The following ZNF446 variants were observed in gnomAD, a reference collection of about 807,000 sequenced individuals.
The protein encoded by ZNF446 is zinc finger protein 446.
A neutral mutation model predicts 34.0 loss-of-function variants in ZNF446; 42 were observed. That is an observed-to-expected ratio of 1.23 (90% CI 0.96 to 1.60). The LOEUF is 1.60. Ranked by LOEUF, ZNF446 falls within the 40% of genes most tolerant of loss-of-function variation. ZNF446 has a pLI of 0.00. For synonymous variants in ZNF446, 315 were observed against 251.0 expected, an observed-to-expected ratio of 1.25 and a Z score of -2.41; for missense variants, 650 against 600.2, an observed-to-expected ratio of 1.08 and a Z score of -0.87.
At chr19:58,477,609 G>A (rs374549778) in intron 2 of ZNF446, 28 bp from the exon 3 acceptor site, 15 of 1,613,448 alleles carry the variant, frequency 9.3e-6, no homozygotes, top group Admixed American at 1.7e-5. Flanking sequence ...CCTGGCTAGA[G>A]CCATTGTGAC....
In ZNF446 at chr19:58,480,262, G is replaced by A. The variant is rs201411273; in HGVS notation, c.889G>A (p.Ala297Thr). The change falls in exon 7 of 7, where the codon GCT (alanine) becomes ACT (threonine). Residue 297 changes from alanine (A) to threonine (T), a missense_variant. Physicochemically the swap from Ala to Thr is moderately conservative, Grantham distance 58. Transcript: ENST00000594369. The surrounding 1 kb of genome is among the most constrained non-coding windows in gnomAD (Gnocchi z 7.2). ...GGCAGCCTGGGAGGGCTTGTCTGGG[G>A]CTGCCACTCCTGCCCCCACTGTGCG... ...GPAAWEGLSG[A>T]ATPAPTVRPG... 32 of 1,578,904 alleles carry A rather than the reference G, an allele frequency of 2.0e-5. No homozygotes were observed. Among genetic ancestry groups the A allele is most frequent in the Non-Finnish European group, 2.7e-5 (32 of 1,166,224 alleles).
downstream of ZNF446, among the ~76,000 whole-genome samples, chr19:58,484,205 G>A (rs2053157300): frequency 6.6e-6 from 1 of 150,680 alleles, no homozygotes; most frequent in African/African-American, 2.4e-5. Flanking sequence ...GAGAGGCTGA[G>A]GCAGGAGGAT....
chr19:58,479,566 G>A (rs1432597065), intron 4 of ZNF446, 77 bp from the exon 5 acceptor site: 4 of 1,503,114 alleles, frequency 2.7e-6, no homozygotes, highest in Non-Finnish European at 3.6e-6. Flanking sequence ...ACTCTTCCGG[G>A]TAATAGGTAA....
rs764214696 is a variant in ZNF446, at chr19:58,477,819, G to C, written c.525G>C (p.Gln175His). ...SVKEEPNVDG[Q>H]EVAPSSPPLA... is the part of the protein sequence containing the mutation. ...AGGAGGAGCCCAATGTCGATGGACAGGAAGTGGGTGAGGTTGGGGTCCCAC... is the reference window on the plus strand; with the variant it reads ...AGGAGGAGCCCAATGTCGATGGACACGAAGTGGGTGAGGTTGGGGTCCCAC... The change falls in exon 3 of 7, where the codon CAG becomes CAC. Residue 175 changes from glutamine to histidine, a missense_variant. Transcript: ENST00000594369. 5 of 1,556,146 alleles carry C rather than the reference G, an allele frequency of 3.2e-6. No homozygotes were observed. In the South Asian group the frequency reaches 6.1e-5, roughly 19 times the overall value.
At chr19:58,485,627 G>A (rs1216714203), downstream of ZNF446, among the ~76,000 whole-genome samples, 5 of 152,294 alleles carry the variant, frequency 3.3e-5, no homozygotes, top group East Asian at 9.6e-4. Context: ...AGACAGGGTG[G>A]ATGTTCACTG....
chr19:58,486,725 G>GC, the ZNF446 span, among the ~76,000 whole-genome samples: 160 of 149,014 alleles, frequency 1.1e-3, 1 homozygote, highest in Non-Finnish European at 1.2e-4. Context: ...TTTGGGGGGG[G>GC]GCGGGGAGAG....
At position 58,477,278 on chromosome 19, in the gene ZNF446, G is replaced by A. The variant is rs770983410; in HGVS notation, c.60G>A (p.Glu20=). 1.2e-6 allele frequency: 2 copies of A among 1,611,404 alleles called. No homozygotes were observed. Among genetic ancestry groups the A allele is most frequent in the Admixed American group, 1.7e-5 (1 of 59,964 alleles). Residue 20 remains glutamate, a synonymous_variant, in exon 2 of 7, where the codon GAG becomes GAA. Coordinates refer to ENST00000594369, the MANE Select transcript of ZNF446 (RefSeq NM_017908.4). The stretch of plus-strand genomic sequence containing the variant: ...TCATGGACCCAGAGACCACCCTTGA[G>A]GAGCCTGAGACTGCCCGCCTCCGCT... ...LPVMDPETTL[E]EPETARLRFR...
In ZNF446 at chr19:58,480,468, A is replaced by G. The variant is rs774119672; in HGVS notation, c.1095A>G (p.Leu365=). The part of the protein sequence containing the change: ...TSGPGVQSPG[L]ATGESTEKPP... ...GGCCAGGTGTGCAGTCCCCGGGGCTAGCCACCGGGGAAAGCACAGAGAAGC... is the reference window on the plus strand; with the variant it reads ...GGCCAGGTGTGCAGTCCCCGGGGCTGGCCACCGGGGAAAGCACAGAGAAGC... Residue 365 remains leucine (L), a synonymous_variant, in exon 7 of 7, where the codon CTA becomes CTG. Coordinates refer to ENST00000594369, the MANE Select transcript of ZNF446 (RefSeq NM_017908.4). This position sits in a 1 kb window ranked among gnomAD's most constrained non-coding sequence, Gnocchi z 7.2. 3.1e-6 allele frequency: 5 copies of G among 1,612,494 alleles called. No homozygotes were observed. Among genetic ancestry groups the G allele is most frequent in the Non-Finnish European group, 4.2e-6 (5 of 1,179,894 alleles).
At chr19:58,485,112 A>G (rs1051765457), downstream of ZNF446, among the ~76,000 whole-genome samples, 2 of 152,198 alleles carry the variant, frequency 1.3e-5, no homozygotes, top group Non-Finnish European at 2.9e-5. Context: ...GCATGTGGAA[A>G]AGTCCAAGAA....
At position 58,480,364 on chromosome 19, in the gene ZNF446, C is replaced by A. The variant is rs1395235532; in HGVS notation, c.991C>A (p.Pro331Thr). 1 of 1,606,278 alleles carries A rather than the reference C, an allele frequency of 6.2e-7. No homozygotes were observed. The highest frequency in any genetic ancestry group is 2.2e-5 in the East Asian group (1 of 44,634). ...RLEPAATPRK[P>T]YTCEQCGRGF... ...GGAGCCGGCTGCCACCCCCAGGAAGCCCTACACGTGCGAGCAGTGTGGCCG... is the reference window on the plus strand; with the variant it reads ...GGAGCCGGCTGCCACCCCCAGGAAGACCTACACGTGCGAGCAGTGTGGCCG... Residue 331 changes from proline (P) to threonine (T), a missense_variant, in exon 7 of 7, where the codon CCC becomes ACC. Physicochemically the swap from Pro to Thr is conservative, Grantham distance 38 (BLOSUM62 -1). Coordinates refer to ENST00000594369, the MANE Select transcript of ZNF446 (RefSeq NM_017908.4). The surrounding 1 kb of genome is among the most constrained non-coding windows in gnomAD (Gnocchi z 7.2).
In ZNF446 at chr19:58,477,203, A is replaced by G; in HGVS notation, c.-16A>G. 1 of 1,531,444 alleles carries G rather than the reference A, an allele frequency of 6.5e-7. No individual in the cohort carries two copies. 94.9% of individuals were successfully genotyped at this position (1,531,444 alleles called of 1,614,324 possible). ...GGCCCATCTTGACGATTCCAAGACC[A>G]CCCCCTTGAGCAAGAATGCCATCCC... On this transcript the variant is annotated 5_prime_UTR_variant, in exon 2 of 7. Transcript: ENST00000594369.
chr19:58,483,455 T>G (rs1197380168), downstream of ZNF446: 1 of 152,200 alleles, frequency 6.6e-6, no homozygotes, highest in East Asian at 1.9e-4. Context: ...GCCACTGCAC[T>G]GCAGCCTGGG....
downstream of ZNF446, among the ~76,000 whole-genome samples, chr19:58,482,863 G>A (rs1431497701): frequency 6.6e-6 from 1 of 152,226 alleles, no homozygotes; most frequent in Non-Finnish European, 1.5e-5. Context: ...GCCCAGAAGG[G>A]AGAGTCAGGG....
At chr19:58,488,532 A>G in the ZNF446 span, among the ~76,000 whole-genome samples, 2 of 150,570 alleles carry the variant, frequency 1.3e-5, no homozygotes, top group Non-Finnish European at 2.9e-5. Context: ...TTAAAAGAAA[A>G]GGCATAAACA....
Position 58,480,661 on chromosome 19 carries a change from C to G in ZNF446, c.1288C>G (p.Arg430Gly). Reference protein sequence around the residue: ...QRRHFCSDCGRAFDWKSQLVI... With the variant: ...QRRHFCSDCGGAFDWKSQLVI... ...GCGTCACTTCTGCAGTGACTGTGGC[C>G]GCGCCTTCGACTGGAAGTCGCAGCT... is the stretch of plus-strand genomic sequence containing the variant. The change falls in exon 7 of 7, where the codon CGC (arginine) becomes GGC (glycine). Residue 430 changes from arginine (R) to glycine (G), a missense_variant. Arg to Gly is a moderately radical substitution (Grantham distance 125). Coordinates refer to ENST00000594369, the MANE Select transcript of ZNF446 (RefSeq NM_017908.4). This position sits in a 1 kb window ranked among gnomAD's most constrained non-coding sequence, Gnocchi z 7.2. 6.2e-7 allele frequency: 1 copy of G among 1,611,414 alleles called. No individual in the cohort carries two copies. Among genetic ancestry groups the G allele is most frequent in the Non-Finnish European group, 8.5e-7 (1 of 1,179,694 alleles).
the ZNF446 span, among the ~76,000 whole-genome samples, chr19:58,487,007 A>G: frequency 8.2e-4 from 9 of 11,038 alleles, no homozygotes; most frequent in Non-Finnish European, 1.3e-3. Flanking sequence ...TCACCGTGTT[A>G]GCCAGGATGG....
chr19:58,489,299 T>C, the ZNF446 span, among the ~76,000 whole-genome samples: 5 of 152,172 alleles, frequency 3.3e-5, no homozygotes, highest in African/African-American at 9.7e-5. Flanking sequence ...GACTCTGCAC[T>C]TGATGGATCA....
chr19:58,485,272 G>A (rs1005144728), downstream of ZNF446, among the ~76,000 whole-genome samples: 4 of 151,742 alleles, frequency 2.6e-5, no homozygotes, highest in East Asian at 1.9e-4. Context: ...AGGCCGAGGC[G>A]GGTGGATCAC....
chr19:58,478,395 G>A (rs1342582671), intron 4 of ZNF446, among the ~76,000 whole-genome samples: 1 of 152,124 alleles, frequency 6.6e-6, no homozygotes, highest in African/African-American at 2.4e-5. Flanking sequence ...TGGACATGGT[G>A]GCTTACACCT....
Sources: allele counts gnomAD v4.1 joint callset (sites outside exome capture counted in the v4.1 genomes callset), GRCh38; gene constraint gnomAD v4.1.1; non-coding constraint Gnocchi (gnomAD v3.1); transcripts MANE v1.5; gene names NCBI Gene and HGNC (gene_info 2026-07-23, HGNC 2026-07-21).